ANKS1B: variants seen among roughly 807,000 people sequenced by gnomAD.
ANKS1B encodes ankyrin repeat and sterile alpha motif domain-containing protein 1B.
Under a neutral mutation model 148.3 loss-of-function variants are expected in ANKS1B, and 36 were observed. The observed-to-expected ratio is 0.24, with a 90% CI of 0.19 to 0.32. ANKS1B has a LOEUF of 0.32. Among genes scored for constraint, ANKS1B ranks in the 10% least tolerant of loss-of-function variants. ANKS1B has a pLI of 1.00. For missense variants in ANKS1B, 1,157 were observed against 1,542.6 expected (o/e 0.75, Z 4.19); for synonymous variants, 542 against 560.8 (o/e 0.97, Z 0.47).
intron 14 of ANKS1B, among the ~76,000 whole-genome samples, chr12:99,242,483 G>A (rs1048443235): frequency 1.3e-5 from 2 of 152,176 alleles, no homozygotes; most frequent in African/African-American, 4.8e-5. Flanking sequence ...GTAATTTATA[G>A]ATTCAATGCT....
chr12:99,693,714 T>C (rs1230377989), intron 8 of ANKS1B, among the ~76,000 whole-genome samples: 1 of 151,618 alleles, frequency 6.6e-6, no homozygotes, highest in Non-Finnish European at 1.5e-5. Context: ...ATACCAGGCA[T>C]CCAGAGTTAT....
At chr12:99,178,909 C>T (rs2078742751) in intron 14 of ANKS1B, among the ~76,000 whole-genome samples, 1 of 152,044 alleles carries the variant, frequency 6.6e-6, no homozygotes, top group African/African-American at 2.4e-5. Flanking sequence ...TCAACTCACC[C>T]TAATGAACTA....
intron 24 of ANKS1B, among the ~76,000 whole-genome samples, chr12:98,779,082 G>A (rs1178371558): frequency 6.6e-6 from 1 of 152,196 alleles, no homozygotes; most frequent in East Asian, 1.9e-4. Flanking sequence ...AATATGTTGA[G>A]GACCACACTG....
At chr12:99,906,787 T>C (rs933813962) in intron 1 of ANKS1B, among the ~76,000 whole-genome samples, 1 of 152,244 alleles carries the variant, frequency 6.6e-6, no homozygotes, top group Non-Finnish European at 1.5e-5. Flanking sequence ...CTTTATTCTA[T>C]CTCTGCCTTC....
intron 24 of ANKS1B, among the ~76,000 whole-genome samples, 184 bp downstream of exon 24, chr12:98,780,933 A>G (rs1359135552): frequency 1.4e-5 from 2 of 144,856 alleles, no homozygotes; most frequent in Non-Finnish European, 3.0e-5. Flanking sequence ...TTCTGTATGT[A>G]TGAAGGTGTG....
intron 17 of ANKS1B, among the ~76,000 whole-genome samples, chr12:99,001,043 A>G (rs144245233): frequency 6.6e-6 from 1 of 152,176 alleles, no homozygotes; most frequent in Non-Finnish European, 1.5e-5. Context: ...TCCATTGATG[A>G]ACATTTTGGT....
At chr12:99,802,918 A>G (rs2067133523) in intron 4 of ANKS1B, among the ~76,000 whole-genome samples, 3 of 151,772 alleles carry the variant, frequency 2.0e-5, no homozygotes, top group African/African-American at 7.3e-5. Flanking sequence ...CCTTTAAAAA[A>G]AAAAAAAAAG....
intron 1 of ANKS1B, among the ~76,000 whole-genome samples, chr12:99,870,849 T>A (rs1182012228): frequency 1.3e-5 from 2 of 152,166 alleles, no homozygotes; most frequent in African/African-American, 4.8e-5. Context: ...AGCTTGTGAA[T>A]ATTTTCTCCC....
intron 24 of ANKS1B, among the ~76,000 whole-genome samples, chr12:98,775,558 C>T (rs1233614588): frequency 6.6e-6 from 1 of 152,116 alleles, no homozygotes. Context: ...AATCCTCCCA[C>T]CTCAGCCTCC....
chr12:99,913,920 A>C (rs769885932), intron 1 of ANKS1B, among the ~76,000 whole-genome samples: 33 of 152,306 alleles, frequency 2.2e-4, no homozygotes, highest in Admixed American at 1.0e-3. Flanking sequence ...CTTGCTTTAC[A>C]ACTGTAACCT....
intron 8 of ANKS1B, among the ~76,000 whole-genome samples, chr12:99,676,855 G>A (rs1371566554): frequency 2.6e-5 from 4 of 152,126 alleles, no homozygotes; most frequent in African/African-American, 4.8e-5. Context: ...AGATCCCTAA[G>A]ACTATTGTTC....
At chr12:99,830,451 A>G (rs1250505387) in intron 1 of ANKS1B, among the ~76,000 whole-genome samples, 1 of 151,910 alleles carries the variant, frequency 6.6e-6, no homozygotes, top group African/African-American at 2.4e-5. Context: ...AGAAGAATTT[A>G]CGGGAAAAAA....
chr12:99,299,591 T>C (rs1203221027), intron 12 of ANKS1B, among the ~76,000 whole-genome samples: 2 of 152,216 alleles, frequency 1.3e-5, no homozygotes, highest in African/African-American at 2.4e-5. Context: ...TTTCCAGTAA[T>C]GTGTTTGTGG....
intron 14 of ANKS1B, among the ~76,000 whole-genome samples, chr12:99,204,224 C>A (rs1220834758): frequency 6.6e-6 from 1 of 152,174 alleles, no homozygotes; most frequent in Non-Finnish European, 1.5e-5. Flanking sequence ...CAGCATCAAC[C>A]TTTCAGGCAG....
At position 98,822,717 on chromosome 12, in the gene ANKS1B, C is replaced by A. The variant is rs530048103; in HGVS notation, c.3066+6457G>T. Among the ~76,000 whole-genome samples the A allele has an allele frequency of 3.9e-5, 6 of 152,246 alleles. No homozygotes were observed. In the East Asian group the frequency reaches 9.7e-4, roughly 25 times the overall value. ...GGTGGAGACGTCAGAGCTTCTCTAG[C>A]AAAACGACTGGAGGTGTTTAGGGCT... On this transcript the variant is annotated intron_variant, in intron 19 of 26. Transcript: ENST00000683438.
rs564449201 is a variant in ANKS1B, at chr12:99,071,910, G to T, written c.2625+13015C>A. Among the ~76,000 whole-genome samples, 3 of 152,102 alleles carry T rather than the reference G, an allele frequency of 2.0e-5. No individual in the cohort carries two copies. In the East Asian group the frequency reaches 5.8e-4, roughly 29 times the overall value. On this transcript the variant is annotated intron_variant, in intron 16 of 26. Transcript: ENST00000683438. ...TCTGCCTGCCTCGGCCTCCCAAAGT[G>T]CTGGGATTACAGGTATGAGCCACCG...
chr12:99,121,756 T>C (rs573765819), intron 15 of ANKS1B, among the ~76,000 whole-genome samples: 1 of 152,314 alleles, frequency 6.6e-6, no homozygotes, highest in South Asian at 2.1e-4. Flanking sequence ...AATTATCCTT[T>C]TGTTCCCTTC....
At chr12:99,688,880 T>TAA (rs36016130) in intron 8 of ANKS1B, among the ~76,000 whole-genome samples, 5 of 143,284 alleles carry the variant, frequency 3.5e-5, no homozygotes, top group Non-Finnish European at 7.7e-5. Flanking sequence ...GTGCTAAATT[T>TAA]AAAAAAAAAA....
At chr12:99,041,226 C>T (rs2099958737) in intron 17 of ANKS1B, among the ~76,000 whole-genome samples, 1 of 152,064 alleles carries the variant, frequency 6.6e-6, no homozygotes, top group Non-Finnish European at 1.5e-5. Context: ...TCCCTGTGCT[C>T]ATCTAGAGGA....
Sources: allele counts gnomAD v4.1 joint callset (sites outside exome capture counted in the v4.1 genomes callset), GRCh38; gene constraint gnomAD v4.1.1; transcripts MANE v1.5; gene names NCBI Gene and HGNC (gene_info 2026-07-23, HGNC 2026-07-21).